Variants in CACNA1S observed in about 807,000 individuals in gnomAD.
CACNA1S encodes the protein calcium voltage-gated channel subunit alpha1 S.
Under a neutral mutation model 207.4 loss-of-function variants are expected in CACNA1S, and 126 were observed. That is an observed-to-expected ratio of 0.61 (90% CI 0.53 to 0.70). CACNA1S has a LOEUF of 0.70. CACNA1S is among the 30% of genes least tolerant of loss of function. The probability of loss-of-function intolerance (pLI) is 0.00; values close to 1 mark genes in which losing one functional copy is unlikely to be tolerated. For synonymous variants in CACNA1S, 960 were observed against 932.7 expected, an observed-to-expected ratio of 1.03 and a Z score of -0.53; for missense variants, 2,349 against 2,422.8, an observed-to-expected ratio of 0.97 and a Z score of 0.64.
At chr1:201,101,622 G>A (rs1662669629) in intron 2 of CACNA1S, among the ~76,000 whole-genome samples, 2 of 152,226 alleles carry the variant, frequency 1.3e-5, no homozygotes, top group African/African-American at 4.8e-5. Flanking sequence ...GCACCTTTCA[G>A]GGCCGAGGCA....
At chr1:201,056,086 C>CACACACACAT (rs1660834198) in intron 28 of CACNA1S, among the ~76,000 whole-genome samples, 1 of 151,710 alleles carries the variant, frequency 6.6e-6, no homozygotes, top group Non-Finnish European at 1.5e-5. Flanking sequence ...CACACACACA[C>CACACACACAT]ACACACACAC....
chr1:201,086,780 A>G (rs1372681680), intron 7 of CACNA1S, among the ~76,000 whole-genome samples: 1 of 152,230 alleles, frequency 6.6e-6, no homozygotes, highest in Non-Finnish European at 1.5e-5. Context: ...TGCAGGTTTT[A>G]TATCTATCAT....
rs768657860 is a variant in CACNA1S, at chr1:201,112,389, C to G, written c.-50G>C. On this transcript the variant is annotated 5_prime_UTR_variant, in exon 1 of 44. Coordinates refer to ENST00000362061, the MANE Select transcript of CACNA1S (RefSeq NM_000069.3). ...TCCTGCTCCCCCACCCCAGTGCTTT[C>G]CCTTCCCTGTGTCCCCAATGCCCCC... 1 of 1,612,552 alleles carries G rather than the reference C, an allele frequency of 6.2e-7. No homozygotes were observed. The highest frequency in any genetic ancestry group is 2.2e-5 in the East Asian group (1 of 44,846).
At chr1:201,090,285 G>C (rs965089533) in intron 5 of CACNA1S, among the ~76,000 whole-genome samples, 1 of 152,190 alleles carries the variant, frequency 6.6e-6, no homozygotes, top group Non-Finnish European at 1.5e-5. Flanking sequence ...GATCTCATGA[G>C]AACACCAGTG....
In CACNA1S at chr1:201,098,974, C is replaced by T. The variant is rs570846998; in HGVS notation, c.259-4953G>A. On this transcript the variant is annotated intron_variant, in intron 2 of 43. Coordinates refer to ENST00000362061, the MANE Select transcript of CACNA1S (RefSeq NM_000069.3). ...CTGATGCACAGGCCTTGCACCTGCT[C>T]CCAGGGGCATTGGAGCCAGGTACTT... Among the ~76,000 whole-genome samples, 6 of 152,308 alleles carry T rather than the reference C, an allele frequency of 3.9e-5. No individual in the cohort carries two copies. The East Asian group carries it at 5.8e-4, about 15-fold the overall frequency.
At chr1:201,103,129 C>A (rs1210022417) in intron 2 of CACNA1S, among the ~76,000 whole-genome samples, 1 of 151,836 alleles carries the variant, frequency 6.6e-6, no homozygotes, top group Non-Finnish European at 1.5e-5. Flanking sequence ...GCCTGTAGTT[C>A]CAGCTATGCG....
At chr1:201,084,255 C>A (rs1027225430) in intron 9 of CACNA1S, among the ~76,000 whole-genome samples, 5 of 152,110 alleles carry the variant, frequency 3.3e-5, no homozygotes, top group African/African-American at 1.2e-4. Flanking sequence ...TTAACATAAA[C>A]AACCCCATTA....
In CACNA1S at chr1:201,091,704, A is replaced by G. The variant is rs774422933; in HGVS notation, c.630T>C (p.Tyr210=). 6.2e-6 allele frequency: 10 copies of G among 1,613,996 alleles called. No homozygotes were observed. The highest frequency in any genetic ancestry group is 8.5e-6 in the Non-Finnish European group (10 of 1,179,952). The change falls in exon 5 of 44, where the codon TAT becomes TAC. Residue 210 remains tyrosine, a synonymous_variant. Coordinates refer to ENST00000362061, the MANE Select transcript of CACNA1S (RefSeq NM_000069.3). ...ALLVLFMVII[Y]AIIGLELFKG... is the part of the protein sequence containing the mutation. ...TGAAGAGCTCCAGCCCGATGATGGC[A>G]TAGATGATGACCATAAAGAGGACCA... is the stretch of plus-strand genomic sequence containing the variant.
intron 36 of CACNA1S, among the ~76,000 whole-genome samples, chr1:201,048,373 C>T (rs1230740232): frequency 6.6e-6 from 1 of 152,178 alleles, no homozygotes; most frequent in African/African-American, 2.4e-5. Flanking sequence ...TGGGAACAGA[C>T]CCTTGATGAT....
chr1:201,078,488 C>T (rs1344323284), intron 10 of CACNA1S, among the ~76,000 whole-genome samples: 1 of 140,696 alleles, frequency 7.1e-6, no homozygotes, highest in Non-Finnish European at 1.5e-5. Flanking sequence ...GTGTGAGCCA[C>T]TATGCCCAGC....
intron 2 of CACNA1S, among the ~76,000 whole-genome samples, chr1:201,100,730 AG>A (rs1309234297): frequency 1.3e-5 from 2 of 152,154 alleles, no homozygotes; most frequent in East Asian, 3.9e-4. Context: ...AGAGAAAGGG[AG>A]ACCAGTGCTG....
chr1:201,046,147 G>A (rs1302177077), intron 38 of CACNA1S, among the ~76,000 whole-genome samples: 1 of 145,028 alleles, frequency 6.9e-6, no homozygotes, highest in Non-Finnish European at 1.5e-5. Context: ...CACACCCAAT[G>A]GGACATATTT....
chr1:201,069,590 A>C lies in CACNA1S; in HGVS notation c.2372T>G (p.Leu791Arg). The stretch of plus-strand genomic sequence containing the variant: ...GGTGGCATTGACGATGCGGTGACAC[A>C]GGACACGGATCCTGGTGGGGCGAGG... ...IFSPTNKIRV[L>R]CHRIVNATWF... The change falls in exon 18 of 44, where the codon CTG becomes CGG. Residue 791 changes from leucine (L) to arginine (R), a missense_variant. Coordinates refer to ENST00000362061, the MANE Select transcript of CACNA1S (RefSeq NM_000069.3). The C allele has an allele frequency of 1.3e-6, 2 of 1,556,354 alleles. No individual in the cohort carries two copies. Among genetic ancestry groups the C allele is most frequent in the Non-Finnish European group, 8.7e-7 (1 of 1,149,048 alleles).
At chr1:201,078,128 C>T (rs773597596) in intron 10 of CACNA1S, 24 bp from the exon 11 acceptor site, 6 of 1,544,444 alleles carry the variant, frequency 3.9e-6, no homozygotes, top group Non-Finnish European at 5.4e-6. Flanking sequence ...GGCACAGCCC[C>T]GGCATCACTC....
chr1:201,085,178 C>T (rs1056761414), intron 8 of CACNA1S, 147 bp from the exon 9 acceptor site: 9 of 758,704 alleles, frequency 1.2e-5, no homozygotes, highest in Non-Finnish European at 2.1e-5. Flanking sequence ...TCGTGCTTTC[C>T]AGAGACTGAG....
At chr1:201,056,723 T>TG (rs1660859470) in intron 28 of CACNA1S, among the ~76,000 whole-genome samples, 1 of 152,132 alleles carries the variant, frequency 6.6e-6, no homozygotes. Context: ...TACAGACCCC[T>TG]GGCAAGGCAG....
intron 6 of CACNA1S, among the ~76,000 whole-genome samples, chr1:201,089,021 A>G (rs1295391654): frequency 6.6e-6 from 1 of 152,222 alleles, no homozygotes; most frequent in African/African-American, 2.4e-5. Flanking sequence ...CGCCCCTTGG[A>G]TCCTGCACAG....
intron 25 of CACNA1S, 134 bp from the exon 26 acceptor site, chr1:201,060,950 T>C: frequency 9.0e-7 from 1 of 1,106,968 alleles, no homozygotes; most frequent in Non-Finnish European, 1.4e-6. Context: ...GTGAACTGTT[T>C]AGGGGAATAA....
intron 9 of CACNA1S, among the ~76,000 whole-genome samples, chr1:201,084,650 C>T (rs1003613377): frequency 1.3e-5 from 2 of 152,086 alleles, no homozygotes; most frequent in Admixed American, 1.3e-4. Flanking sequence ...CCAGCTCTGC[C>T]CTGATCAGGG....
Sources: allele counts gnomAD v4.1 joint callset (sites outside exome capture counted in the v4.1 genomes callset), GRCh38; gene constraint gnomAD v4.1.1; transcripts MANE v1.5; gene names NCBI Gene and HGNC (gene_info 2026-07-23, HGNC 2026-07-21).